DOCK1: variants seen among roughly 807,000 people sequenced by gnomAD.
DOCK1 encodes dedicator of cytokinesis 1, also known as dedicator of cytokinesis protein 1.
In DOCK1, 138 loss-of-function variants were observed where a neutral mutation model predicts 262.7. The observed-to-expected ratio is 0.53, with a 90% CI of 0.46 to 0.61. DOCK1 has a LOEUF of 0.61. DOCK1 is among the 20% of genes least tolerant of loss of function. The probability of loss-of-function intolerance (pLI) is 0.00; values close to 1 mark genes in which losing one functional copy is unlikely to be tolerated. For synonymous variants in DOCK1, 866 were observed against 867.4 expected, an observed-to-expected ratio of 1.00 and a Z score of 0.03; for missense variants, 1,908 against 2,370.7, an observed-to-expected ratio of 0.80 and a Z score of 4.05.
chr10:127,322,556 T>C (rs927615572), intron 29 of DOCK1, among the ~76,000 whole-genome samples: 15 of 152,146 alleles, frequency 9.9e-5, no homozygotes, highest in Admixed American at 8.5e-4. Context: ...CAGCCCTCCA[T>C]CTGTAGTGTG....
chr10:127,204,832 T>G (rs1037005768), intron 27 of DOCK1, among the ~76,000 whole-genome samples: 1 of 152,194 alleles, frequency 6.6e-6, no homozygotes, highest in Non-Finnish European at 1.5e-5. Flanking sequence ...GCCGATACCC[T>G]CAATGGCTGC....
intron 1 of DOCK1, among the ~76,000 whole-genome samples, chr10:126,920,309 A>G (rs1157384374): frequency 6.6e-6 from 1 of 152,258 alleles, no homozygotes; most frequent in Non-Finnish European, 1.5e-5. Context: ...ATGTTCCAGT[A>G]AAACACTTTC....
chr10:127,377,060 A>G (rs1292684685), intron 35 of DOCK1, among the ~76,000 whole-genome samples: 2 of 152,236 alleles, frequency 1.3e-5, no homozygotes, highest in Non-Finnish European at 2.9e-5. Context: ...ATCTGACATT[A>G]TTAACTTTCT....
chr10:127,338,160 A>G (rs2063281264), intron 29 of DOCK1, among the ~76,000 whole-genome samples: 1 of 152,142 alleles, frequency 6.6e-6, no homozygotes, highest in Non-Finnish European at 1.5e-5. Flanking sequence ...ATCATCTGTG[A>G]CCTAATACTA....
At chr10:127,214,829 C>T (rs1463144145) in intron 27 of DOCK1, among the ~76,000 whole-genome samples, 1 of 152,086 alleles carries the variant, frequency 6.6e-6, no homozygotes, top group Non-Finnish European at 1.5e-5. Context: ...ACTCAGCTAC[C>T]GTGATTCCTT....
intron 28 of DOCK1, among the ~76,000 whole-genome samples, chr10:127,256,682 A>G (rs2059835095): frequency 6.6e-6 from 1 of 152,208 alleles, no homozygotes; most frequent in South Asian, 2.1e-4. Flanking sequence ...AGGGTAGAGC[A>G]GCTGGGTGTG....
chr10:127,158,744 G>A (rs535280650), intron 27 of DOCK1, among the ~76,000 whole-genome samples: 8 of 152,290 alleles, frequency 5.3e-5, no homozygotes, highest in African/African-American at 1.9e-4. Context: ...CTAATGATAA[G>A]CATGTTCATT....
chr10:127,381,322 A>G lies in DOCK1; in HGVS notation c.3761A>G (p.Tyr1254Cys). 1 of 1,613,276 alleles carries G rather than the reference A, an allele frequency of 6.2e-7. No individual in the cohort carries two copies. Among genetic ancestry groups the G allele is most frequent in the Non-Finnish European group, 8.5e-7 (1 of 1,179,408 alleles). ...GACCTGCACAAGGAGTGTGATAACT[A>G]CACCGAAGCGGCTTACACCTTGCTT... ...LCDLHKECDN[Y>C]TEAAYTLLLH... The change falls in exon 37 of 52, where the codon TAC becomes TGC. Residue 1254 changes from tyrosine (Y) to cysteine (C), a missense_variant. By Grantham distance (194) the Tyr-to-Cys change is radical. Around this residue, in one of 9 missense-constraint regions of DOCK1, gnomAD observed 267 missense variants for 366.3 expected, o/e 0.73. Transcript: ENST00000623213.
Position 127,378,591 on chromosome 10 carries a change from G to A in DOCK1, c.3676-1491G>A, listed in dbSNP as rs548574762. ...CAGGACTCAGCACAGGCAGAAAATA[G>A]AAGACATTTCGTATCTCCGAGAGAG... On this transcript the variant is annotated intron_variant, in intron 35 of 51. Coordinates refer to ENST00000623213, the MANE Select transcript of DOCK1 (RefSeq NM_001290223.2). 2.0e-5 allele frequency among the ~76,000 whole-genome samples: 3 copies of A among 152,316 alleles called. No individual in the cohort carries two copies. The South Asian group carries it at 6.2e-4, about 32-fold the overall frequency.
chr10:127,093,248 T>TC (rs1476202329), intron 23 of DOCK1, among the ~76,000 whole-genome samples: 7 of 82,382 alleles, frequency 8.5e-5, no homozygotes, highest in South Asian at 3.9e-4. Context: ...TCTTCTTTTT[T>TC]TTTTTTTTTT....
chr10:127,316,559 T>C (rs1320909255), intron 29 of DOCK1, among the ~76,000 whole-genome samples: 1 of 152,248 alleles, frequency 6.6e-6, no homozygotes, highest in African/African-American at 2.4e-5. Context: ...ATTTCTTCTT[T>C]CCTTTTTATA....
intron 29 of DOCK1, among the ~76,000 whole-genome samples, chr10:127,296,552 C>G (rs529945433): frequency 2.0e-5 from 3 of 152,176 alleles, no homozygotes; most frequent in Non-Finnish European, 4.4e-5. Flanking sequence ...AAGATGCCGT[C>G]GAGGCTCTGT....
chr10:127,277,537 C>A (rs2135243195), intron 29 of DOCK1, among the ~76,000 whole-genome samples: 1 of 152,260 alleles, frequency 6.6e-6, no homozygotes, highest in East Asian at 1.9e-4. Context: ...GCAGGTGGAT[C>A]ACCTGAGGTC....
chr10:127,090,328 C>T (rs939670921), intron 23 of DOCK1, among the ~76,000 whole-genome samples: 9 of 152,046 alleles, frequency 5.9e-5, no homozygotes, highest in East Asian at 1.9e-4. Context: ...GTTTGTCGGT[C>T]GCCGCTGGAG....
At chr10:127,298,478 C>G (rs531536608) in intron 29 of DOCK1, among the ~76,000 whole-genome samples, 2 of 152,312 alleles carry the variant, frequency 1.3e-5, no homozygotes, top group South Asian at 4.1e-4. Context: ...TTTAAATGTA[C>G]TGGAGTATCC....
intron 29 of DOCK1, among the ~76,000 whole-genome samples, chr10:127,307,667 C>G (rs942258266): frequency 6.6e-6 from 1 of 152,194 alleles, no homozygotes; most frequent in African/African-American, 2.4e-5. Context: ...CTCATGAAAC[C>G]CCGAGTACTG....
chr10:127,430,794 A>T (rs1054986408), intron 47 of DOCK1, among the ~76,000 whole-genome samples: 1 of 151,910 alleles, frequency 6.6e-6, no homozygotes, highest in South Asian at 2.1e-4. Context: ...AACCCCTTCA[A>T]CCCAGCCCAT....
At chr10:126,975,643 G>A (rs75943689) in intron 2 of DOCK1, among the ~76,000 whole-genome samples, 3 of 89,394 alleles carry the variant, frequency 3.4e-5, no homozygotes, top group African/African-American at 1.3e-4. Context: ...TTTTTTTTTT[G>A]AGATGGAGTC....
intron 19 of DOCK1, among the ~76,000 whole-genome samples, chr10:127,042,368 C>T (rs1012960062): frequency 1.3e-5 from 2 of 152,154 alleles, no homozygotes; most frequent in Admixed American, 1.3e-4. Flanking sequence ...TTGGAAAGGC[C>T]CCCTGGGGGA....
Sources: gnomAD v4.1 joint callset for allele counts (sites outside exome capture counted in the v4.1 genomes callset) on GRCh38, gnomAD v4.1.1 for gene constraint, gnomAD v4.1.1 regional missense constraint, MANE v1.5 for transcripts, NCBI Gene and HGNC (gene_info 2026-07-23, HGNC 2026-07-21) for gene names.